NPR3: variants seen among roughly 807,000 people sequenced by gnomAD.
NPR3 encodes natriuretic peptide receptor 3, also known as atrial natriuretic peptide receptor 3.
Under a neutral mutation model 54.5 loss-of-function variants are expected in NPR3, and 34 were observed. The ratio of observed to expected loss-of-function variants is 0.62; its 90% CI spans 0.47 to 0.83. The LOEUF (loss-of-function observed/expected upper bound fraction) is 0.83, where lower values mean the gene tolerates loss of function less well. NPR3 is among the 40% of genes least tolerant of loss of function. The pLI is 0.00. For synonymous variants in NPR3, 289 were observed against 297.1 expected (o/e 0.97, Z 0.28); for missense variants, 674 against 720.8 (o/e 0.94, Z 0.74).
intron 4 of NPR3, among the ~76,000 whole-genome samples, chr5:32,776,440 G>C (rs1742053520): frequency 1.3e-5 from 2 of 152,092 alleles, no homozygotes; most frequent in South Asian, 4.2e-4. Flanking sequence ...GCTACTTGTG[G>C]GATTTCTGGG....
rs1271945984 is a variant in NPR3 at position 32,790,058 on chromosome 5, G to T, written c.*3713G>T. On this transcript the variant is annotated 3_prime_UTR_variant, in exon 8 of 8. Transcript: ENST00000265074. ...ATTTAATCACACCCCATGGTTTGGG[G>T]CTACATGAGGAAGTTGGTAATGAGC... The T allele has an allele frequency of 1.0e-5, 2 of 200,456 alleles. No individual in the cohort carries two copies. Among genetic ancestry groups the T allele is most frequent in the African/African-American group, 4.7e-5 (2 of 42,462 alleles). The allele number at this position is 200,456 out of a possible 1,614,324, so 12.4% of individuals were successfully genotyped here. A position where few individuals can be genotyped will look rare whatever the true frequency, so the allele number is the denominator to read the frequency against.
intron 3 of NPR3, among the ~76,000 whole-genome samples, chr5:32,768,855 G>T (rs1382651225): frequency 6.6e-6 from 1 of 152,164 alleles, no homozygotes; most frequent in Non-Finnish European, 1.5e-5. Flanking sequence ...ACTTCAGTCG[G>T]GGGAGCAAGA....
At position 32,711,902 on chromosome 5, in the gene NPR3, C is replaced by G. The variant is rs1301392375; in HGVS notation, c.126C>G (p.Arg42=). 8 of 1,488,242 alleles carry G rather than the reference C, an allele frequency of 5.4e-6. No individual in the cohort carries two copies. Among genetic ancestry groups the G allele is most frequent in the African/African-American group, 1.4e-5 (1 of 70,708 alleles). The allele number at this position is 1,488,242 out of a possible 1,614,324, so 92.2% of individuals were successfully genotyped here. The change falls in exon 1 of 8, where the codon CGC becomes CGG. Residue 42 remains arginine (R), a synonymous_variant. Coordinates refer to ENST00000265074, the MANE Select transcript of NPR3 (RefSeq NM_001204375.2). ...GGGGAGIGGG[R]QEREALPPQK... ...GTGGCGCGGGCATAGGCGGCGGACG[C>G]CAGGAGAGAGAGGCGCTGCCGCCAC...
chr5:32,741,514 G>A (rs571824193), intron 3 of NPR3, among the ~76,000 whole-genome samples: 1 of 152,192 alleles, frequency 6.6e-6, no homozygotes, highest in South Asian at 2.1e-4. Flanking sequence ...GGTAGTCTAA[G>A]CAAAATCTCA....
At chr5:32,728,521 A>G (rs2111905339) in intron 2 of NPR3, among the ~76,000 whole-genome samples, 1 of 151,488 alleles carries the variant, frequency 6.6e-6, no homozygotes, top group South Asian at 2.1e-4. Flanking sequence ...TTTTAATATC[A>G]GGTTCTTATT....
At chr5:32,753,323 CT>C (rs3066352) in intron 3 of NPR3, among the ~76,000 whole-genome samples, 265 of 145,394 alleles carry the variant, frequency 1.8e-3, no homozygotes, top group Middle Eastern at 7.4e-3. Flanking sequence ...ATGCTATTTT[CT>C]TTTTTTTTTT....
At chr5:32,781,399 T>C (rs1363070733) in intron 5 of NPR3, among the ~76,000 whole-genome samples, 3 of 152,166 alleles carry the variant, frequency 2.0e-5, no homozygotes, top group Non-Finnish European at 4.4e-5. Context: ...TAAATATACA[T>C]ATACAATTAT....
chr5:32,700,362 T>G (rs926996607), intron 1 of NPR3, among the ~76,000 whole-genome samples: 4 of 152,202 alleles, frequency 2.6e-5, no homozygotes, highest in Non-Finnish European at 5.9e-5. Flanking sequence ...TTTCTAGATT[T>G]GGTAGATGTG....
At position 32,780,215 on chromosome 5, in the gene NPR3, T is replaced by C. The variant is rs996636564; in HGVS notation, c.1196-507T>C. Among the ~76,000 whole-genome samples the C allele has an allele frequency of 1.7e-4, 26 of 152,232 alleles. 1 individual carries two copies. Among genetic ancestry groups the C allele is most frequent in the Admixed American group, 1.6e-3 (24 of 15,278 alleles). ...AAGAAGAATAGTTCTTCTTAGCTAT[T>C]GGCTCCAGTGACCCACAAAGCAGGC... is the stretch of plus-strand genomic sequence containing the variant. On this transcript the variant is annotated intron_variant, in intron 4 of 7. Coordinates refer to ENST00000265074, the MANE Select transcript of NPR3 (RefSeq NM_001204375.2).
chr5:32,707,507 A>G (rs1334040965), upstream of NPR3, among the ~76,000 whole-genome samples: 1 of 152,234 alleles, frequency 6.6e-6, no homozygotes, highest in Non-Finnish European at 1.5e-5. Flanking sequence ...TATGTAAAGA[A>G]TGAAATCTCA....
At chr5:32,769,073 G>A (rs556903031) in intron 3 of NPR3, among the ~76,000 whole-genome samples, 18 of 152,154 alleles carry the variant, frequency 1.2e-4, no homozygotes, top group Non-Finnish European at 2.4e-4. Flanking sequence ...CATGAAGACA[G>A]GCCCACTATA....
chr5:32,770,018 A>T (rs1253007453), intron 3 of NPR3, among the ~76,000 whole-genome samples: 1 of 152,214 alleles, frequency 6.6e-6, no homozygotes, highest in Admixed American at 6.5e-5. Context: ...TCTCCCCATG[A>T]TAGAGGATCT....
chr5:32,716,432 G>C (rs764658983), intron 1 of NPR3: 21 of 452,532 alleles, frequency 4.6e-5, no homozygotes, highest in Non-Finnish European at 7.5e-5. Flanking sequence ...TTCTCTTCTT[G>C]ATCATTCTAC....
intron 2 of NPR3, among the ~76,000 whole-genome samples, chr5:32,734,857 G>A (rs546752614): frequency 6.6e-6 from 1 of 152,230 alleles, no homozygotes; most frequent in Non-Finnish European, 1.5e-5. Context: ...CACCGCTCTA[G>A]AGCATTCGAT....
Position 32,700,661 on chromosome 5 carries a change from C to T in NPR3, c.100+11475C>T, listed in dbSNP as rs545153247. On this transcript the variant is annotated intron_variant, in intron 1 of 5. Transcript: ENST00000509104. ...AACATGTGGTGTTTGGTTTTCTGTC[C>T]TTGTGATAGTTTGCTGAGAATGATG... 1.1e-3 allele frequency among the ~76,000 whole-genome samples: 166 copies of T among 151,970 alleles called. 1 individual carries two copies. The highest frequency in any genetic ancestry group is 2.2e-3 in the Non-Finnish European group (147 of 68,000).
chr5:32,780,385 A>G (rs1579706659), intron 4 of NPR3, among the ~76,000 whole-genome samples: 1 of 152,172 alleles, frequency 6.6e-6, no homozygotes, highest in East Asian at 1.9e-4. Context: ...CTCCACTTCT[A>G]ACTCTGCGAT....
At position 32,790,100 on chromosome 5, in the gene NPR3, T is replaced by C. The variant is rs1437737482; in HGVS notation, c.*3755T>C. 1 of 187,276 alleles carries C rather than the reference T, an allele frequency of 5.3e-6. No homozygotes were observed. Among genetic ancestry groups the C allele is most frequent in the Non-Finnish European group, 1.3e-5 (1 of 79,392 alleles). The allele number at this position is 187,276 out of a possible 1,614,324, so 11.6% of individuals were successfully genotyped here. A position where few individuals can be genotyped will look rare whatever the true frequency, so the allele number is the denominator to read the frequency against. ...GTAATGAGCTGAATTTCTTATTCAG[T>C]GGAAAAAACTGAAACTGTCTAAAAA... On this transcript the variant is annotated 3_prime_UTR_variant, in exon 8 of 8. Transcript: ENST00000265074.
chr5:32,713,447 T>G (rs1204945780), intron 1 of NPR3: 1 of 985,210 alleles, frequency 1.0e-6, no homozygotes, highest in East Asian at 1.1e-4. Context: ...TAGGGTAGAA[T>G]CTGAGGGAAG....
intron 2 of NPR3, among the ~76,000 whole-genome samples, chr5:32,735,137 T>C (rs557832440): frequency 6.6e-6 from 1 of 152,332 alleles, no homozygotes; most frequent in South Asian, 2.1e-4. Flanking sequence ...TCTTTTTGGC[T>C]TCGGAGTAGC....
Sources: allele counts gnomAD v4.1 joint callset (sites outside exome capture counted in the v4.1 genomes callset), GRCh38; gene constraint gnomAD v4.1.1; transcripts MANE v1.5; gene names NCBI Gene and HGNC (gene_info 2026-07-23, HGNC 2026-07-21).